FKTN: variants seen among roughly 807,000 people sequenced by gnomAD.
The protein encoded by FKTN is fukutin, also known as ribitol-5-phosphate transferase FKTN.
Under a neutral mutation model 58.6 loss-of-function variants are expected in FKTN, and 47 were observed. That is an observed-to-expected ratio of 0.80 (90% confidence interval 0.63 to 1.02). The LOEUF is 1.02. FKTN is among the 50% of genes least tolerant of loss of function. The probability of loss-of-function intolerance (pLI) is 0.00; values close to 1 mark genes in which losing one functional copy is unlikely to be tolerated. For missense variants in FKTN, 516 were observed against 537.3 expected (o/e 0.96, Z 0.39); for synonymous variants, 178 against 191.9 (o/e 0.93, Z 0.60).
chr9:105,605,338 AC>A (rs1828703592), intron 6 of FKTN, among the ~76,000 whole-genome samples: 1 of 152,138 alleles, frequency 6.6e-6, no homozygotes, highest in South Asian at 2.1e-4. Context: ...GTGTGGTAAG[AC>A]TAATTTATTT....
chr9:105,560,834 A>C (rs1838161788), intron 1 of FKTN, among the ~76,000 whole-genome samples: 1 of 152,154 alleles, frequency 6.6e-6, no homozygotes, highest in Admixed American at 6.5e-5. Flanking sequence ...CACGTCTGTA[A>C]TCTCAGCACT....
chr9:105,619,378 ATTATTT>A (rs1451526336), intron 9 of FKTN, among the ~76,000 whole-genome samples: 4 of 152,276 alleles, frequency 2.6e-5, no homozygotes, highest in Admixed American at 2.6e-4. Flanking sequence ...TGGGAACGTA[ATTATTT>A]GTATGATAAG....
At position 105,640,258 on chromosome 9, in the gene FKTN, A is replaced by G. The variant is rs1033753156; in HGVS notation, c.*4994A>G. On this transcript the variant is annotated 3_prime_UTR_variant, in exon 11 of 11. Transcript: ENST00000357998. The stretch of plus-strand genomic sequence containing the variant: ...GCAAGTATAAATTTTCTAATAAGAA[A>G]TCCCTGCTTCTTTTGGGTGCAGTGG... The G allele has an allele frequency of 9.5e-6, 12 of 1,258,060 alleles. No individual in the cohort carries two copies. The highest frequency in any genetic ancestry group is 1.2e-5 in the Non-Finnish European group (11 of 949,420). The allele number at this position is 1,258,060 out of a possible 1,614,324, so 77.9% of individuals were successfully genotyped here.
chr9:105,591,659 A>T (rs1453064615), intron 3 of FKTN, among the ~76,000 whole-genome samples: 1 of 151,966 alleles, frequency 6.6e-6, no homozygotes, highest in Non-Finnish European at 1.5e-5. Context: ...TTACTGGTGG[A>T]TCTACCACTT....
At chr9:105,620,984 G>T (rs1178195562) in intron 10 of FKTN, among the ~76,000 whole-genome samples, 1 of 152,018 alleles carries the variant, frequency 6.6e-6, no homozygotes, top group East Asian at 1.9e-4. Flanking sequence ...TTAGAGTCCT[G>T]TTATTCTTAA....
At chr9:105,634,264 T>G (rs1164062677) in intron 10 of FKTN, among the ~76,000 whole-genome samples, 1 of 152,078 alleles carries the variant, frequency 6.6e-6, no homozygotes, top group East Asian at 1.9e-4. Flanking sequence ...CCTGAGTAGC[T>G]GGGACGACAG....
At chr9:105,592,318 C>G (rs776273647) in intron 3 of FKTN, among the ~76,000 whole-genome samples, 2 of 152,156 alleles carry the variant, frequency 1.3e-5, no homozygotes, top group African/African-American at 2.4e-5. Context: ...AGCAGCCAGG[C>G]CAGATCTTGA....
At chr9:105,604,076 G>A (rs1828403866) in intron 5 of FKTN, 139 bp from the exon 6 acceptor site, 13 of 816,866 alleles carry the variant, frequency 1.6e-5, no homozygotes, top group Non-Finnish European at 2.7e-5. Flanking sequence ...ATTAAAAAAT[G>A]TTCTTACAGA....
Position 105,609,869 on chromosome 9 carries a change from A to G in FKTN, c.780+1918A>G, listed in dbSNP as rs558043539. On this transcript the variant is annotated intron_variant, in intron 7 of 10. Transcript: ENST00000357998. The stretch of plus-strand genomic sequence containing the variant: ...AAACTTCGTATCTTTACCACTATGA[A>G]GTTTCTGTTTTTCCCTTTATAATAA... Among the ~76,000 whole-genome samples the G allele has an allele frequency of 9.2e-5, 14 of 152,252 alleles. No individual in the cohort carries two copies. The South Asian group carries it at 2.9e-3, about 32-fold the overall frequency.
In FKTN at chr9:105,635,286, A is replaced by G. The variant is rs1454344327; in HGVS notation, c.*22A>G. 2.5e-6 allele frequency: 4 copies of G among 1,613,924 alleles called. No individual in the cohort carries two copies. In the East Asian group the frequency reaches 8.9e-5, roughly 36 times the overall value. Reference sequence around the variant, plus strand: ...TTGAGATAGTAGGTTGAAATGGGAGAATTTCTCTTTTGGAAAAAAAGGTAG... The same window carrying G: ...TTGAGATAGTAGGTTGAAATGGGAGGATTTCTCTTTTGGAAAAAAAGGTAG... On this transcript the variant is annotated 3_prime_UTR_variant, in exon 11 of 11. Transcript: ENST00000357998.
intron 3 of FKTN, among the ~76,000 whole-genome samples, chr9:105,585,517 AGT>A (rs1843748460): frequency 6.6e-6 from 1 of 152,228 alleles, no homozygotes; most frequent in African/African-American, 2.4e-5. Context: ...AATTTATTTC[AGT>A]GTCATTGTGG....
At chr9:105,631,955 A>G (rs1198288372) in intron 10 of FKTN, among the ~76,000 whole-genome samples, 13 of 150,378 alleles carry the variant, frequency 8.6e-5, no homozygotes, top group African/African-American at 3.2e-4. Context: ...GCTGCTATAA[A>G]GACACATGCA....
chr9:105,615,090 G>T (rs568714309), intron 7 of FKTN, among the ~76,000 whole-genome samples, 188 bp from the exon 8 acceptor site: 5 of 152,180 alleles, frequency 3.3e-5, no homozygotes, highest in East Asian at 1.9e-4. Context: ...TGCCATGTGG[G>T]CCAGGCCAGT....
At chr9:105,615,174 G>A (rs1830596642) in intron 7 of FKTN, 104 bp from the exon 8 acceptor site, 3 of 1,279,920 alleles carry the variant, frequency 2.3e-6, no homozygotes, top group Non-Finnish European at 3.4e-6. Flanking sequence ...GTGAGCCACT[G>A]TGCCCAGCCT....
chr9:105,593,739 A>G (rs1845327099), intron 3 of FKTN, among the ~76,000 whole-genome samples: 1 of 152,190 alleles, frequency 6.6e-6, no homozygotes, highest in Non-Finnish European at 1.5e-5. Flanking sequence ...TGATACAGAG[A>G]GCTAAGTGAA....
chr9:105,619,058 TA>T (rs80255150), intron 9 of FKTN, among the ~76,000 whole-genome samples: 39,480 of 136,546 alleles, frequency 0.29, 5,448 homozygotes, highest in Non-Finnish European at 0.33. Flanking sequence ...GACTCCGTCT[TA>T]AAAAAAAAAA....
chr9:105,605,592 A>G (rs1167656665), intron 6 of FKTN, among the ~76,000 whole-genome samples: 1 of 152,190 alleles, frequency 6.6e-6, no homozygotes, highest in Non-Finnish European at 1.5e-5. Context: ...TTGCAACAAC[A>G]TGGATAGAAC....
intron 1 of FKTN, among the ~76,000 whole-genome samples, chr9:105,566,735 A>G (rs1839696503): frequency 6.6e-6 from 1 of 152,244 alleles, no homozygotes; most frequent in Admixed American, 6.5e-5. Flanking sequence ...AGCTGGTACC[A>G]TTCCTTCTGA....
chr9:105,563,759 C>T (rs570502656), intron 1 of FKTN, among the ~76,000 whole-genome samples: 4 of 152,332 alleles, frequency 2.6e-5, no homozygotes, highest in South Asian at 4.1e-4. Flanking sequence ...CAGCAGAAAC[C>T]TCTGCAGACT....
Sources: gnomAD v4.1 joint callset for allele counts (sites outside exome capture counted in the v4.1 genomes callset) on GRCh38, gnomAD v4.1.1 for gene constraint, MANE v1.5 for transcripts, NCBI Gene and HGNC (gene_info 2026-07-23, HGNC 2026-07-21) for gene names.